The following NRXN3 variants were observed in gnomAD, a reference collection of about 807,000 sequenced individuals.
NRXN3 encodes the protein neurexin 3, also known as neurexin III.
In NRXN3, 32 loss-of-function variants were observed where a neutral mutation model predicts 137.6. The observed-to-expected ratio is 0.23, with a 90% confidence interval of 0.18 to 0.31. The LOEUF is 0.31. Ranked by LOEUF, NRXN3 falls within the 10% of genes least tolerant of loss-of-function variation. The pLI is 1.00. For missense variants in NRXN3, 1,574 were observed against 2,062.5 expected (o/e 0.76, Z 4.59); for synonymous variants, 798 against 784.5 (o/e 1.02, Z -0.29).
rs542517524 is a variant in NRXN3 at position 79,206,026 on chromosome 14, A to G, written c.3262+217885A>G. On this transcript the variant is annotated intron_variant, in intron 15 of 20. Transcript: ENST00000335750. ...TAATAACTTGTCTGGAAGAACATGC[A>G]TGGAGGAACACACCATTCTGCCCTC... Among the ~76,000 whole-genome samples the G allele has an allele frequency of 9.7e-4, 147 of 152,300 alleles. 2 individuals are homozygous for G. The highest frequency in any genetic ancestry group is 3.4e-3 in the African/African-American group (143 of 41,568).
intron 4 of NRXN3, among the ~76,000 whole-genome samples, chr14:78,359,062 G>A (rs141001358): frequency 2.0e-5 from 3 of 152,262 alleles, no homozygotes; most frequent in African/African-American, 7.2e-5. Flanking sequence ...GTGGAGAAAT[G>A]TAATTCATTA....
chr14:79,109,258 TG>T (rs2053035893), intron 15 of NRXN3, among the ~76,000 whole-genome samples: 1 of 152,012 alleles, frequency 6.6e-6, no homozygotes. Flanking sequence ...GCCATGTTTG[TG>T]GATTCAGAAG....
rs74970124 is a variant in NRXN3, at chr14:79,370,001, G to A, written c.3263-97220G>A. On this transcript the variant is annotated intron_variant, in intron 15 of 20. Coordinates refer to ENST00000335750, the MANE Select transcript of NRXN3 (RefSeq NM_001330195.2). ...TGGTACACATCCAGAAGGTTTCTTGGGCGCATTGACCTTCACATATTGTTT... is the reference window on the plus strand; with the variant it reads ...TGGTACACATCCAGAAGGTTTCTTGAGCGCATTGACCTTCACATATTGTTT... 7.2e-5 allele frequency among the ~76,000 whole-genome samples: 11 copies of A among 152,212 alleles called. No homozygotes were observed. In the East Asian group the frequency reaches 2.1e-3, roughly 29 times the overall value.
intron 10 of NRXN3, among the ~76,000 whole-genome samples, chr14:78,836,504 A>C (rs763349745): frequency 2.0e-5 from 3 of 152,130 alleles, no homozygotes; most frequent in African/African-American, 4.8e-5. Flanking sequence ...ACTGATATAC[A>C]TTTTCATAAG....
chr14:78,478,558 AG>A (rs1484728662), intron 4 of NRXN3, among the ~76,000 whole-genome samples: 1 of 152,146 alleles, frequency 6.6e-6, no homozygotes, highest in Non-Finnish European at 1.5e-5. Flanking sequence ...CAGAAAAAAA[AG>A]AGAAAGCCTT....
At chr14:78,412,294 A>G (rs2092880012) in intron 4 of NRXN3, among the ~76,000 whole-genome samples, 1 of 152,196 alleles carries the variant, frequency 6.6e-6, no homozygotes, top group African/African-American at 2.4e-5. Context: ...CACAGCAACC[A>G]TAACATTCAA....
intron 15 of NRXN3, among the ~76,000 whole-genome samples, chr14:79,195,697 G>A (rs2153192612): frequency 6.6e-6 from 1 of 152,256 alleles, no homozygotes; most frequent in South Asian, 2.1e-4. Flanking sequence ...AGGTGAAAAT[G>A]TTGCATCTCC....
At chr14:79,390,745 G>A (rs116499124) in intron 15 of NRXN3, among the ~76,000 whole-genome samples, 2,199 of 152,118 alleles carry the variant, frequency 0.014, 47 homozygotes, top group African/African-American at 0.05. Context: ...ATCAACCTGC[G>A]TTTACCTGAG....
intron 11 of NRXN3, among the ~76,000 whole-genome samples, chr14:78,959,550 C>T (rs1567823594): frequency 6.6e-6 from 1 of 152,116 alleles, no homozygotes. Context: ...CTTGACCTCT[C>T]CCTCACAAAA....
intron 15 of NRXN3, among the ~76,000 whole-genome samples, chr14:79,106,366 A>G (rs2052441122): frequency 6.6e-6 from 1 of 152,090 alleles, no homozygotes; most frequent in African/African-American, 2.4e-5. Context: ...CTTTCAATGA[A>G]ATGAAAAAGA....
At chr14:78,656,826 G>A (rs1360836226) in intron 6 of NRXN3, among the ~76,000 whole-genome samples, 2 of 152,050 alleles carry the variant, frequency 1.3e-5, no homozygotes, top group Admixed American at 6.5e-5. Context: ...GGCGGATCAC[G>A]AGGTCGGGAG....
intron 4 of NRXN3, among the ~76,000 whole-genome samples, chr14:78,406,606 A>T (rs1235518421): frequency 2.0e-5 from 3 of 152,236 alleles, no homozygotes; most frequent in Non-Finnish European, 4.4e-5. Context: ...GGGGAGCAGA[A>T]ATCCTCACAG....
chr14:78,649,321 C>A (rs1425018259), intron 5 of NRXN3: 5 of 1,325,826 alleles, frequency 3.8e-6, no homozygotes, highest in Non-Finnish European at 5.0e-6. Flanking sequence ...TGGTAGATAT[C>A]ATTCTTATTG....
chr14:78,313,248 T>C (rs961186873), intron 4 of NRXN3, among the ~76,000 whole-genome samples: 4 of 152,236 alleles, frequency 2.6e-5, no homozygotes, highest in African/African-American at 4.8e-5. Flanking sequence ...GCCAACCTGA[T>C]AGTTGGAAGA....
intron 11 of NRXN3, among the ~76,000 whole-genome samples, chr14:78,965,680 A>G (rs972634371): frequency 6.6e-6 from 1 of 152,178 alleles, no homozygotes; most frequent in Non-Finnish European, 1.5e-5. Flanking sequence ...TACAAGGGTC[A>G]GAGCAACAAA....
chr14:79,254,768 G>C (rs116381254), intron 15 of NRXN3, among the ~76,000 whole-genome samples: 257 of 151,628 alleles, frequency 1.7e-3, no homozygotes, highest in African/African-American at 6.0e-3. Flanking sequence ...AACTGCTGAT[G>C]CTTTGGGAGG....
chr14:79,589,124 A>G (rs557549312), intron 16 of NRXN3, among the ~76,000 whole-genome samples: 3 of 152,214 alleles, frequency 2.0e-5, no homozygotes, highest in East Asian at 1.9e-4. Flanking sequence ...GCATGCTGAC[A>G]TGTGCCTGCA....
chr14:79,117,790 C>T (rs1320888328), intron 15 of NRXN3, among the ~76,000 whole-genome samples: 1 of 152,214 alleles, frequency 6.6e-6, no homozygotes, highest in Non-Finnish European at 1.5e-5. Context: ...GGAGACACCA[C>T]CTTTCAAGGT....
chr14:79,353,975 C>T (rs2093326408), intron 15 of NRXN3, among the ~76,000 whole-genome samples: 1 of 152,142 alleles, frequency 6.6e-6, no homozygotes, highest in African/African-American at 2.4e-5. Flanking sequence ...TTTCAGTATG[C>T]TAACTTTCAG....
Sources: allele counts gnomAD v4.1 joint callset (sites outside exome capture counted in the v4.1 genomes callset), GRCh38; gene constraint gnomAD v4.1.1; transcripts MANE v1.5; gene names NCBI Gene and HGNC (gene_info 2026-07-23, HGNC 2026-07-21).